Variants in ZNF385D observed in about 807,000 individuals in gnomAD.
The protein encoded by ZNF385D is zinc finger protein 385D.
A neutral mutation model predicts 35.8 loss-of-function variants in ZNF385D; 15 were observed. The observed-to-expected ratio is 0.42, with a 90% CI of 0.28 to 0.64. The LOEUF is 0.64. Among genes scored for constraint, ZNF385D ranks in the 30% least tolerant of loss-of-function variants. The pLI is 0.23. For synonymous variants in ZNF385D, 212 were observed against 186.8 expected, an observed-to-expected ratio of 1.13 and a Z score of -1.10; for missense variants, 474 against 494.6, an observed-to-expected ratio of 0.96 and a Z score of 0.39.
chr3:21,664,933 G>C lies in ZNF385D; in HGVS notation c.118C>G (p.Pro40Ala). Reference sequence around the variant, plus strand: ...TTGACTGCAGCTGCAGTGTCAAGAGGAAAGGGAAGAAATGGTTTAATATCC... The same window carrying C: ...TTGACTGCAGCTGCAGTGTCAAGAGCAAAGGGAAGAAATGGTTTAATATCC... ...SLDIKPFLPF[P>A]LDTAAAVNLF... Residue 40 changes from proline (P) to alanine (A), a missense_variant, in exon 2 of 8, where the codon CCT becomes GCT. Transcript: ENST00000281523. The C allele has an allele frequency of 6.2e-7, 1 of 1,613,790 alleles. No individual in the cohort carries two copies. The highest frequency in any genetic ancestry group is 8.5e-7 in the Non-Finnish European group (1 of 1,179,766).
At chr3:22,171,596 C>G (rs115100361) in intron 2 of ZNF385D, among the ~76,000 whole-genome samples, 2,294 of 152,078 alleles carry the variant, frequency 0.015, 56 homozygotes, top group African/African-American at 0.052. Context: ...TTTACAGATG[C>G]CCGGGCACGG....
intron 2 of ZNF385D, among the ~76,000 whole-genome samples, chr3:21,601,980 G>A (rs907840530): frequency 1.3e-5 from 2 of 152,178 alleles, no homozygotes; most frequent in African/African-American, 4.8e-5. Context: ...CTGCTATGAA[G>A]AAATACCCGA....
At chr3:22,056,136 AG>A (rs1699386618) in intron 3 of ZNF385D, among the ~76,000 whole-genome samples, 1 of 10,446 alleles carries the variant, frequency 9.6e-5, no homozygotes, top group African/African-American at 3.9e-4. Context: ...GGGTCGGGGG[AG>A]GGGGGAGGGA....
chr3:22,307,342 A>T (rs1703285295), intron 2 of ZNF385D, among the ~76,000 whole-genome samples: 1 of 152,192 alleles, frequency 6.6e-6, no homozygotes, highest in Non-Finnish European at 1.5e-5. Flanking sequence ...GACTCTAAAT[A>T]GTGTAAGTAA....
intron 3 of ZNF385D, among the ~76,000 whole-genome samples, chr3:21,514,118 C>T (rs1707408094): frequency 6.6e-6 from 1 of 152,022 alleles, no homozygotes; most frequent in Non-Finnish European, 1.5e-5. Context: ...TTCTTTTGAG[C>T]AGAGGAGTGT....
chr3:22,359,246 T>C (rs1696302687), intron 2 of ZNF385D, among the ~76,000 whole-genome samples: 1 of 151,794 alleles, frequency 6.6e-6, no homozygotes, highest in Admixed American at 6.6e-5. Flanking sequence ...ATTGATTCGA[T>C]TAACTTAAAA....
intron 2 of ZNF385D, among the ~76,000 whole-genome samples, chr3:22,225,884 T>C (rs540199805): frequency 6.6e-6 from 1 of 152,326 alleles, no homozygotes; most frequent in Admixed American, 6.5e-5. Context: ...AATACTACAT[T>C]CAGTGTGTTT....
At chr3:21,526,290 G>T (rs1708217928) in intron 3 of ZNF385D, among the ~76,000 whole-genome samples, 1 of 151,956 alleles carries the variant, frequency 6.6e-6, no homozygotes, top group Non-Finnish European at 1.5e-5. Flanking sequence ...TTGCAGGGCT[G>T]GTCCTGCACA....
chr3:21,999,549 G>A (rs1388350433), intron 3 of ZNF385D, among the ~76,000 whole-genome samples: 1 of 152,062 alleles, frequency 6.6e-6, no homozygotes, highest in Admixed American at 6.6e-5. Flanking sequence ...ATTCTCTTGA[G>A]AAGAATCTAT....
intron 3 of ZNF385D, among the ~76,000 whole-genome samples, chr3:22,136,562 G>A (rs1477376472): frequency 1.3e-5 from 2 of 152,074 alleles, no homozygotes; most frequent in Non-Finnish European, 2.9e-5. Flanking sequence ...TCAATAATAA[G>A]GGTAGGAAAA....
intron 1 of ZNF385D, among the ~76,000 whole-genome samples, chr3:21,673,023 C>A (rs2066622416): frequency 6.6e-6 from 1 of 152,082 alleles, no homozygotes; most frequent in Non-Finnish European, 1.5e-5. Flanking sequence ...GGACAGGTGC[C>A]TGCTTTATAG....
chr3:22,283,382 T>C (rs1701867743), intron 2 of ZNF385D, among the ~76,000 whole-genome samples: 1 of 152,124 alleles, frequency 6.6e-6, no homozygotes, highest in Non-Finnish European at 1.5e-5. Context: ...GAATATACAT[T>C]CTATTCAATT....
chr3:22,279,028 C>T (rs993888398), intron 2 of ZNF385D, among the ~76,000 whole-genome samples: 1 of 152,096 alleles, frequency 6.6e-6, no homozygotes, highest in African/African-American at 2.4e-5. Context: ...CGTCCACTTC[C>T]TACACAGAAA....
At chr3:21,777,072 A>G in intron 3 of ZNF385D, among the ~76,000 whole-genome samples, 1 of 152,006 alleles carries the variant, frequency 6.6e-6, no homozygotes, top group Non-Finnish European at 1.5e-5. Context: ...CCGTGTTGCC[A>G]ATAATGTCTG....
rs893895710 is a variant in ZNF385D at position 21,425,673 on chromosome 3, G to A, written c.674-3C>T. 6.6e-7 allele frequency: 1 copy of A among 1,519,562 alleles called. No individual in the cohort carries two copies. Among genetic ancestry groups the A allele is most frequent in the East Asian group, 2.4e-5 (1 of 41,464 alleles). The allele number at this position is 1,519,562 out of a possible 1,614,324, so 94.1% of individuals were successfully genotyped here. A position where few individuals can be genotyped will look rare whatever the true frequency, so the allele number is the denominator to read the frequency against. ...TAACATGGTTTTGTGCTTAGTACCT[G>A]TCAGGAATATTGAAATGAAGGAAGG... is the stretch of plus-strand genomic sequence containing the variant. On this transcript the variant is annotated splice_region_variant and splice_polypyrimidine_tract_variant and intron_variant, in intron 5 of 7. Coordinates refer to ENST00000281523, the MANE Select transcript of ZNF385D (RefSeq NM_024697.3).
intron 3 of ZNF385D, among the ~76,000 whole-genome samples, chr3:21,962,753 G>A (rs777144621): frequency 3.9e-5 from 6 of 151,946 alleles, no homozygotes; most frequent in Non-Finnish European, 7.4e-5. Flanking sequence ...TTATAATTTC[G>A]TTGCCTAGCA....
chr3:21,534,248 G>T (rs1158223578), intron 3 of ZNF385D, among the ~76,000 whole-genome samples: 1 of 151,974 alleles, frequency 6.6e-6, no homozygotes, highest in Non-Finnish European at 1.5e-5. Context: ...ACCTGGAAAA[G>T]AACTCCTTTC....
intron 3 of ZNF385D, among the ~76,000 whole-genome samples, chr3:21,519,515 A>G (rs1479410349): frequency 6.6e-6 from 1 of 152,170 alleles, no homozygotes; most frequent in Non-Finnish European, 1.5e-5. Context: ...TTGCTTTTGT[A>G]TATATCTTGA....
intron 2 of ZNF385D, among the ~76,000 whole-genome samples, chr3:22,337,358 A>T (rs1007968189): frequency 2.0e-5 from 3 of 152,028 alleles, no homozygotes; most frequent in Admixed American, 6.5e-5. Flanking sequence ...ACAGGGTGAA[A>T]CCCTCTCTCT....
Sources: allele counts gnomAD v4.1 joint callset (sites outside exome capture counted in the v4.1 genomes callset), GRCh38; gene constraint gnomAD v4.1.1; transcripts MANE v1.5; gene names NCBI Gene and HGNC (gene_info 2026-07-23, HGNC 2026-07-21).